The following GRAMD1B variants were observed in gnomAD, a reference collection of about 807,000 sequenced individuals.
GRAMD1B encodes the protein GRAM domain containing 1B.
A neutral mutation model predicts 99.7 loss-of-function variants in GRAMD1B; 37 were observed. The ratio of observed to expected loss-of-function variants is 0.37; its 90% CI spans 0.29 to 0.49. The LOEUF (loss-of-function observed/expected upper bound fraction) is 0.49, where lower values mean the gene tolerates loss of function less well. Ranked by LOEUF, GRAMD1B falls within the 20% of genes least tolerant of loss-of-function variation. The probability of loss-of-function intolerance (pLI) is 0.98; values close to 1 mark genes in which losing one functional copy is unlikely to be tolerated. For synonymous variants in GRAMD1B, 427 were observed against 387.6 expected, an observed-to-expected ratio of 1.10 and a Z score of -1.19; for missense variants, 888 against 1,009.2, an observed-to-expected ratio of 0.88 and a Z score of 1.63.
intron 1 of GRAMD1B, among the ~76,000 whole-genome samples, chr11:123,441,255 G>A (rs77780929): frequency 5.3e-5 from 8 of 151,992 alleles, no homozygotes; most frequent in Middle Eastern, 3.2e-3. Flanking sequence ...ACTCATTCTC[G>A]AAAGAATGGC....
chr11:123,566,771 C>CG (rs1947423041), intron 2 of GRAMD1B, among the ~76,000 whole-genome samples: 1 of 125,996 alleles, frequency 7.9e-6, no homozygotes, highest in Non-Finnish European at 1.7e-5. Context: ...ATCTCAAAAG[C>CG]AAAAAAAAAA....
chr11:123,403,594 G>A (rs540952887), intron 1 of GRAMD1B, among the ~76,000 whole-genome samples: 45 of 151,894 alleles, frequency 3.0e-4, no homozygotes, highest in South Asian at 1.5e-3. Context: ...CCAGGCTGGA[G>A]TGCAGTGGCA....
chr11:123,560,076 C>CG (rs1946558319), intron 2 of GRAMD1B, among the ~76,000 whole-genome samples: 1 of 150,806 alleles, frequency 6.6e-6, no homozygotes. Flanking sequence ...CCCCCCCCCC[C>CG]GCAGCCCCAG....
chr11:123,451,126 A>G (rs1031930750), intron 1 of GRAMD1B, among the ~76,000 whole-genome samples: 2 of 152,218 alleles, frequency 1.3e-5, no homozygotes, highest in African/African-American at 4.8e-5. Context: ...GACAATAGCA[A>G]TTTATCACAA....
intron 1 of GRAMD1B, among the ~76,000 whole-genome samples, chr11:123,400,841 T>TG (rs755939171): frequency 2.0e-5 from 3 of 152,352 alleles, no homozygotes. Flanking sequence ...TCCAGTATTT[T>TG]ATTGATTGAT....
intron 19 of GRAMD1B, among the ~76,000 whole-genome samples, chr11:123,620,638 A>G (rs1275079): frequency 0.75 from 113,669 of 152,008 alleles, 43,681 homozygotes; most frequent in East Asian, 0.99. Context: ...ACCCTTTCAA[A>G]AAGTGTTGAT....
intron 1 of GRAMD1B, among the ~76,000 whole-genome samples, chr11:123,367,743 G>A (rs886183052): frequency 2.0e-5 from 3 of 151,684 alleles, no homozygotes; most frequent in Admixed American, 2.0e-4. Context: ...AGTTTTTTAG[G>A]AATATAACTC....
chr11:123,571,079 C>T (rs187717758), intron 2 of GRAMD1B, among the ~76,000 whole-genome samples: 301 of 152,246 alleles, frequency 2.0e-3, no homozygotes, highest in Middle Eastern at 6.8e-3. Flanking sequence ...GTGGAGGCAC[C>T]GGGGGCCAGA....
chr11:123,563,561 G>T (rs1408596157), intron 2 of GRAMD1B, among the ~76,000 whole-genome samples: 1 of 151,404 alleles, frequency 6.6e-6, no homozygotes, highest in Non-Finnish European at 1.5e-5. Flanking sequence ...ACCCATGCTG[G>T]AGTGCAGTGG....
In GRAMD1B at chr11:123,442,857, G is replaced by GC. The variant is rs35315951; in HGVS notation, c.374+11700dup. ...GCTAAACAAGGGGTGGATTATTTATGCCCCCCCCCACCCCTTTTAGACTAT... is the reference window on the plus strand; with the variant it reads ...GCTAAACAAGGGGTGGATTATTTATGCCCCCCCCCCACCCCTTTTAGACTAT... On this transcript the variant is annotated intron_variant, in intron 1 of 19. Coordinates refer to ENST00000635736, the MANE Select transcript of GRAMD1B (RefSeq NM_001387025.1). Among the ~76,000 whole-genome samples the GC allele has an allele frequency of 9.6e-3, 1,452 of 150,666 alleles. 5 individuals are homozygous for GC. Among genetic ancestry groups the GC allele is most frequent in the Non-Finnish European group, 0.012 (834 of 67,522 alleles).
At chr11:123,468,545 G>A (rs544537234) in intron 1 of GRAMD1B, among the ~76,000 whole-genome samples, 3 of 152,258 alleles carry the variant, frequency 2.0e-5, no homozygotes, top group South Asian at 4.1e-4. Flanking sequence ...TGTAATCCTG[G>A]CACTTCGGGA....
Position 123,595,285 on chromosome 11 carries a change from A to ATTTT in GRAMD1B, c.873+458_873+461dup, listed in dbSNP as rs11408764. Among the ~76,000 whole-genome samples the ATTTT allele has an allele frequency of 3.2e-4, 47 of 146,660 alleles. No individual in the cohort carries two copies. In the South Asian group the frequency reaches 9.4e-3, roughly 29 times the overall value. On this transcript the variant is annotated intron_variant, in intron 6 of 19. Coordinates refer to ENST00000635736, the MANE Select transcript of GRAMD1B (RefSeq NM_001387025.1). The stretch of plus-strand genomic sequence containing the variant: ...AAGGAAGAGAAAGATTAACTAGATG[A>ATTTT]TTTTTTTTTTTTTTAAACAGAGTTT...
intron 4 of GRAMD1B, among the ~76,000 whole-genome samples, chr11:123,588,547 A>G (rs537599480): frequency 1.3e-5 from 2 of 152,292 alleles, no homozygotes; most frequent in Non-Finnish European, 2.9e-5. Context: ...CCTACAGCCT[A>G]CATACTGGGG....
intron 2 of GRAMD1B, among the ~76,000 whole-genome samples, chr11:123,501,993 C>T (rs1304650263): frequency 1.3e-5 from 2 of 152,232 alleles, no homozygotes; most frequent in Admixed American, 6.5e-5. Flanking sequence ...TAGGTATTTG[C>T]ATGAGCTACA....
At chr11:123,618,548 C>G in intron 17 of GRAMD1B, 145 bp from the exon 18 acceptor site, 1 of 810,666 alleles carries the variant, frequency 1.2e-6, no homozygotes, top group East Asian at 2.4e-5. Context: ...CTCTCTCTCC[C>G]TTGCTCCATC....
chr11:123,369,883 C>T (rs1002545331), intron 1 of GRAMD1B, among the ~76,000 whole-genome samples: 2 of 147,046 alleles, frequency 1.4e-5, no homozygotes, highest in African/African-American at 5.1e-5. Context: ...GACCCTGTCT[C>T]AAAAAAAGGA....
intron 7 of GRAMD1B, among the ~76,000 whole-genome samples, chr11:123,596,605 C>G (rs986684012): frequency 6.6e-6 from 1 of 152,198 alleles, no homozygotes; most frequent in Non-Finnish European, 1.5e-5. Context: ...TGGGTTTCTG[C>G]TGAAGGCCAA....
At position 123,598,142 on chromosome 11, in the gene GRAMD1B, C is replaced by T. The variant is rs1565439549; in HGVS notation, c.969+2105C>T. On this transcript the variant is annotated intron_variant, in intron 7 of 19. Transcript: ENST00000635736. ...AGCAGTGTTTGGGATGCCCAAACAC[C>T]TCATGCCATGCCATGAGCATGATGC... is the stretch of plus-strand genomic sequence containing the variant. 102 of 1,582,612 alleles carry T rather than the reference C, an allele frequency of 6.4e-5. 2 individuals are homozygous for T. The South Asian group carries it at 9.3e-4, about 14-fold the overall frequency.
intron 2 of GRAMD1B, chr11:123,560,165 G>C: frequency 8.0e-6 from 8 of 996,704 alleles, no homozygotes; most frequent in Non-Finnish European, 9.6e-6. Flanking sequence ...TATGTAAACC[G>C]GCAGGCGACG....
Sources: gnomAD v4.1 joint callset for allele counts (sites outside exome capture counted in the v4.1 genomes callset) on GRCh38, gnomAD v4.1.1 for gene constraint, MANE v1.5 for transcripts, NCBI Gene and HGNC (gene_info 2026-07-23, HGNC 2026-07-21) for gene names.